The following FOXP2 variants were observed in gnomAD, a reference collection of about 807,000 sequenced individuals.
FOXP2 encodes the protein forkhead box P2, also known as forkhead box protein P2.
FOXP2 carries 12 observed loss-of-function variants against 115.8 expected under a neutral mutation model. That is an observed-to-expected ratio of 0.10 (90% confidence interval 0.07 to 0.17). The LOEUF is 0.17. FOXP2 is among the 10% of genes least tolerant of loss of function. The pLI is 1.00. For missense variants in FOXP2, 629 were observed against 843.5 expected (o/e 0.75, Z 3.15); for synonymous variants, 328 against 297.7 (o/e 1.10, Z -1.05).
intron 2 of FOXP2, among the ~76,000 whole-genome samples, chr7:114,448,254 T>C (rs1177796515): frequency 6.6e-6 from 1 of 152,156 alleles, no homozygotes; most frequent in East Asian, 1.9e-4. Flanking sequence ...TTTTTTATAA[T>C]AACTACTGAT....
Position 114,689,882 on chromosome 7 carries a change from G to A in FOXP2, c.2104G>A (p.Asp702Asn), listed in dbSNP as rs748314629. Residue 702 changes from aspartate (D) to asparagine (N), a missense_variant, in exon 17 of 17, where the codon GAC becomes AAC. Coordinates refer to ENST00000350908, the MANE Select transcript of FOXP2 (RefSeq NM_014491.4). ...TAATCACAGTCCAGAATTAGAAGAC[G>A]ACAGAGAGATTGAAGAAGAGCCTTT... is the stretch of plus-strand genomic sequence containing the variant. ...TANHSPELED[D>N]REIEEEPLSE... 5 of 1,613,438 alleles carry A rather than the reference G, an allele frequency of 3.1e-6. No individual in the cohort carries two copies. Among genetic ancestry groups the A allele is most frequent in the East Asian group, 2.2e-5 (1 of 44,848 alleles).
rs111605397 is a variant in FOXP2, at chr7:114,311,427, G to T, written c.-11+23318G>T. ...GTGGCTTTGTGGATTGGTGAAAGTG[G>T]TATCCAGCCAGGTCCAAGAGAGACA... On this transcript the variant is annotated intron_variant, in intron 2 of 17. Coordinates refer to the FOXP2 transcript ENST00000634411. Among the ~76,000 whole-genome samples the T allele has an allele frequency of 1.4e-3, 220 of 152,252 alleles. 1 individual carries two copies. Among genetic ancestry groups the T allele is most frequent in the African/African-American group, 4.9e-3 (205 of 41,540 alleles).
intron 3 of FOXP2, among the ~76,000 whole-genome samples, chr7:114,556,106 A>G (rs1394414685): frequency 6.6e-6 from 1 of 152,222 alleles, no homozygotes; most frequent in Non-Finnish European, 1.5e-5. Flanking sequence ...TCTTGGCATC[A>G]TGAGAATTTT....
chr7:114,173,157 C>T (rs1364913614), intron 1 of FOXP2, among the ~76,000 whole-genome samples: 1 of 151,794 alleles, frequency 6.6e-6, no homozygotes, highest in Non-Finnish European at 1.5e-5. Flanking sequence ...ATAATTTATG[C>T]AGTTGTCTAT....
At chr7:114,300,438 A>G (rs1796852057) in intron 2 of FOXP2, among the ~76,000 whole-genome samples, 1 of 152,012 alleles carries the variant, frequency 6.6e-6, no homozygotes, top group Non-Finnish European at 1.5e-5. Context: ...AGGTATATAA[A>G]AGATTTTCAT....
intron 2 of FOXP2, among the ~76,000 whole-genome samples, chr7:114,475,251 A>G (rs1796207389): frequency 6.6e-6 from 1 of 152,110 alleles, no homozygotes; most frequent in Non-Finnish European, 1.5e-5. Flanking sequence ...ATATGTGCAA[A>G]TGTGAGTCCG....
At chr7:114,462,972 A>G in intron 2 of FOXP2, 1 of 326,714 alleles carries the variant, frequency 3.1e-6, no homozygotes, top group Non-Finnish European at 6.0e-6. Flanking sequence ...CATTAATTAT[A>G]ACTTGCAAAT....
At position 114,692,897 on chromosome 7, in the gene FOXP2, C is replaced by A. The variant is rs749527908; in HGVS notation, c.*2971C>A. On this transcript the variant is annotated 3_prime_UTR_variant, in exon 17 of 17. Coordinates refer to ENST00000350908, the MANE Select transcript of FOXP2 (RefSeq NM_014491.4). The stretch of plus-strand genomic sequence containing the variant: ...GTGTACTATGTTCATACTTTGAATT[C>A]TCTGACGTTAGAAGTCATGGTTGAG... 2.2e-6 allele frequency: 1 copy of A among 453,830 alleles called. No homozygotes were observed. Among genetic ancestry groups the A allele is most frequent in the African/African-American group, 2.0e-5 (1 of 49,958 alleles). 28.1% of individuals were successfully genotyped at this position (453,830 alleles called of 1,614,324 possible).
At chr7:114,147,197 G>A (rs537170211) in intron 1 of FOXP2, among the ~76,000 whole-genome samples, 2 of 152,156 alleles carry the variant, frequency 1.3e-5, no homozygotes, top group Non-Finnish European at 2.9e-5. Flanking sequence ...AGATGGGGTT[G>A]TTATAGGGAT....
chr7:114,272,774 G>C (rs1796098516), intron 1 of FOXP2, among the ~76,000 whole-genome samples: 1 of 151,818 alleles, frequency 6.6e-6, no homozygotes, highest in African/African-American at 2.4e-5. Context: ...CATGGTATCT[G>C]TAGTGATTTC....
Position 114,492,860 on chromosome 7 carries a change from G to C in FOXP2, c.169-41757G>C, listed in dbSNP as rs535644585. ...TGTGGTCAGTTTTGGAATAGGTGTGGTGTGGTGCTGAAAAGAATGTATATT... is the reference window on the plus strand; with the variant it reads ...TGTGGTCAGTTTTGGAATAGGTGTGCTGTGGTGCTGAAAAGAATGTATATT... On this transcript the variant is annotated intron_variant, in intron 2 of 16. Transcript: ENST00000350908. Among the ~76,000 whole-genome samples the C allele has an allele frequency of 7.1e-3, 1,088 of 152,194 alleles. 15 individuals are homozygous for C. Among genetic ancestry groups the C allele is most frequent in the African/African-American group, 0.025 (1,022 of 41,524 alleles).
intron 10 of FOXP2, chr7:114,654,263 G>T (rs1806450257): frequency 2.5e-6 from 2 of 794,488 alleles, no homozygotes; most frequent in Non-Finnish European, 3.6e-6. Context: ...CACTGCCTTG[G>T]GGCTGAAGCC....
chr7:114,247,522 T>G (rs1795317104), intron 1 of FOXP2, among the ~76,000 whole-genome samples: 1 of 152,190 alleles, frequency 6.6e-6, no homozygotes, highest in Admixed American at 6.6e-5. Context: ...GTGTTACTCC[T>G]TTAGTGAATC....
chr7:114,455,773 T>C (rs966126243), intron 2 of FOXP2, among the ~76,000 whole-genome samples: 2 of 152,160 alleles, frequency 1.3e-5, no homozygotes, highest in African/African-American at 4.8e-5. Flanking sequence ...CTACCGCTTT[T>C]TCTCTTAAAA....
At chr7:114,123,352 A>C (rs1167157439) in intron 1 of FOXP2, among the ~76,000 whole-genome samples, 1 of 92,596 alleles carries the variant, frequency 1.1e-5, no homozygotes, top group Non-Finnish European at 3.0e-5. Context: ...AAGCCCTGTC[A>C]AAAAAAAAAA....
At chr7:114,660,393 C>A (rs1488440845) in intron 13 of FOXP2, among the ~76,000 whole-genome samples, 1 of 152,096 alleles carries the variant, frequency 6.6e-6, no homozygotes, top group Non-Finnish European at 1.5e-5. Flanking sequence ...CATCAATTAG[C>A]CACAAGCCAT....
chr7:114,460,217 G>T (rs1465734233), intron 2 of FOXP2, among the ~76,000 whole-genome samples: 1 of 152,100 alleles, frequency 6.6e-6, no homozygotes, highest in Non-Finnish European at 1.5e-5. Flanking sequence ...CAGGAATGAG[G>T]GGGAGTCATG....
At chr7:114,195,910 A>T (rs1459892756) in intron 1 of FOXP2, among the ~76,000 whole-genome samples, 2 of 152,160 alleles carry the variant, frequency 1.3e-5, no homozygotes, top group African/African-American at 4.8e-5. Context: ...TGAGCCCAGG[A>T]TTTTGAGTCC....
At chr7:114,292,671 A>G (rs1335536053) in intron 2 of FOXP2, among the ~76,000 whole-genome samples, 11 of 151,962 alleles carry the variant, frequency 7.2e-5, no homozygotes, top group Admixed American at 7.2e-4. Context: ...CTTTTTAGCT[A>G]GCCTAGGACT....
Sources: gnomAD v4.1 joint callset for allele counts (sites outside exome capture counted in the v4.1 genomes callset) on GRCh38, gnomAD v4.1.1 for gene constraint, MANE v1.5 for transcripts, NCBI Gene and HGNC (gene_info 2026-07-23, HGNC 2026-07-21) for gene names.